The following RELA variants were observed in gnomAD, a reference collection of about 807,000 sequenced individuals.
RELA encodes the protein transcription factor p65.
RELA carries 14 observed loss-of-function variants against 56.7 expected under a neutral mutation model. The ratio of observed to expected loss-of-function variants is 0.25; its 90% CI spans 0.16 to 0.39. RELA has a LOEUF of 0.39. Ranked by LOEUF, RELA falls within the 10% of genes least tolerant of loss-of-function variation. RELA has a pLI of 1.00. For missense variants in RELA, 559 were observed against 736.4 expected (o/e 0.76, Z 2.79); for synonymous variants, 315 against 289.7 (o/e 1.09, Z -0.89).
upstream of RELA, among the ~76,000 whole-genome samples, chr11:65,663,245 G>A (rs1338772824): frequency 6.6e-6 from 1 of 152,090 alleles, no homozygotes; most frequent in Non-Finnish European, 1.5e-5. Flanking sequence ...GCCGGGTCTG[G>A]AGCAAAGCCA....
intron 4 of RELA, chr11:65,661,353 G>C: frequency 4.3e-6 from 1 of 234,264 alleles, no homozygotes; most frequent in Non-Finnish European, 8.3e-6. Context: ...GCCTGTCTCT[G>C]TCAACTGCAA....
chr11:65,659,732 C>G lies in RELA; in HGVS notation c.493G>C (p.Val165Leu). The G allele has an allele frequency of 1.2e-6, 2 of 1,614,008 alleles. No homozygotes were observed. Among genetic ancestry groups the G allele is most frequent in the Non-Finnish European group, 1.7e-6 (2 of 1,180,010 alleles). ...NAVRLCFQVT[V>L]RDPSGRPLRL... is the part of the protein sequence containing the mutation. ...AGGGGCCTGCCTGATGGGTCCCGCA[C>G]TGTCACCTGGAAGCAGAGCCGCACA... The change falls in exon 6 of 11, where the codon GTG becomes CTG. Residue 165 changes from valine (V) to leucine (L), a missense_variant. By Grantham distance (32) the Val-to-Leu change is conservative (BLOSUM62 1). Around this residue, in one of 4 missense-constraint regions of RELA, gnomAD observed 149 missense variants for 256.0 expected, o/e 0.58. Transcript: ENST00000406246.
chr11:65,663,645 G>A (rs956748542), upstream of RELA, among the ~76,000 whole-genome samples: 7 of 152,316 alleles, frequency 4.6e-5, no homozygotes, highest in African/African-American at 1.4e-4. Flanking sequence ...GTAAATCCCG[G>A]AGCCTCGTCT....
At chr11:65,661,651 C>T (rs752922407) in intron 4 of RELA, 36 bp downstream of exon 4, 5 of 1,535,702 alleles carry the variant, frequency 3.3e-6, no homozygotes, top group South Asian at 1.2e-5. Context: ...CCTCCTGTCC[C>T]CTCATGCTGG....
At position 65,653,851 on chromosome 11, in the gene RELA, A is replaced by G. The variant is rs991007795; in HGVS notation, c.*527T>C. The G allele has an allele frequency of 2.2e-5, 4 of 181,060 alleles. No individual in the cohort carries two copies. Among genetic ancestry groups the G allele is most frequent in the Non-Finnish European group, 3.5e-5 (3 of 85,216 alleles). The allele number at this position is 181,060 out of a possible 1,614,324, so 11.2% of individuals were successfully genotyped here. Reference sequence around the variant, plus strand: ...TTCCTTCAGCCATGGTTGAGCAAGGAAAGAGCCGGCAGAGACCTCTGTAGG... The same window carrying G: ...TTCCTTCAGCCATGGTTGAGCAAGGGAAGAGCCGGCAGAGACCTCTGTAGG... On this transcript the variant is annotated 3_prime_UTR_variant, in exon 11 of 11. Transcript: ENST00000406246.
chr11:65,654,929 G>A lies in RELA; in HGVS notation c.1105C>T (p.Pro369Ser). Residue 369 changes from proline to serine, a missense_variant, in exon 11 of 11, where the codon CCT becomes TCT. Around this residue, in one of 4 missense-constraint regions of RELA, gnomAD observed 365 missense variants for 387.5 expected, o/e 0.94. Coordinates refer to ENST00000406246, the MANE Select transcript of RELA (RefSeq NM_021975.4). The stretch of plus-strand genomic sequence containing the variant: ...GAGGCCTGGCTGATCTGCCCAGAAG[G>A]AAACACCATGGTGGGAAACTCATCA... ...NYDEFPTMVF[P>S]SGQISQASAL... is the part of the protein sequence containing the mutation. The A allele has an allele frequency of 6.2e-7, 1 of 1,602,404 alleles. No homozygotes were observed. Among genetic ancestry groups the A allele is most frequent in the Non-Finnish European group, 8.5e-7 (1 of 1,175,074 alleles).
intron 4 of RELA, chr11:65,660,769 T>C: frequency 6.5e-6 from 1 of 154,752 alleles, no homozygotes; most frequent in Non-Finnish European, 1.4e-5. Flanking sequence ...CCGGGTGCGG[T>C]GGCTCAAGCC....
In RELA at chr11:65,658,965, C is replaced by T. The variant is rs1856496450; in HGVS notation, c.560-143G>A. 1 of 681,082 alleles carries T rather than the reference C, an allele frequency of 1.5e-6. No individual in the cohort carries two copies. Among genetic ancestry groups the T allele is most frequent in the Non-Finnish European group, 2.7e-6 (1 of 375,904 alleles). 42.2% of individuals were successfully genotyped at this position (681,082 alleles called of 1,614,324 possible). On this transcript the variant is annotated intron_variant, in intron 6 of 10. Transcript: ENST00000406246. This position sits in a 1 kb window ranked among gnomAD's most constrained non-coding sequence, Gnocchi z 4.5. ...TACACCTTTGTAGCCAAAGTCAGAC[C>T]TTCTTATTAGCTCCTCACCCCAACC...
At position 65,654,896 on chromosome 11, in the gene RELA, C is replaced by T. The variant is rs2135550052; in HGVS notation, c.1138G>A (p.Ala380Thr). The change falls in exon 11 of 11, where the codon GCC (alanine) becomes ACC (threonine). Residue 380 changes from alanine to threonine, a missense_variant. Coordinates refer to ENST00000406246, the MANE Select transcript of RELA (RefSeq NM_021975.4). ...GGCAGGACTTGGGGAGGGGCCGGGGCCAAGGCCGAGGCCTGGCTGATCTGC... is the reference window on the plus strand; with the variant it reads ...GGCAGGACTTGGGGAGGGGCCGGGGTCAAGGCCGAGGCCTGGCTGATCTGC... ...SGQISQASAL[A>T]PAPPQVLPQA... 6 of 1,587,546 alleles carry T rather than the reference C, an allele frequency of 3.8e-6. No homozygotes were observed. The South Asian group carries it at 4.6e-5, about 12-fold the overall frequency.
chr11:65,662,763 G>T (rs55794449), intron 1 of RELA, 63 bp downstream of exon 1: 1 of 1,171,786 alleles, frequency 8.5e-7, no homozygotes, highest in Non-Finnish European at 1.1e-6. Context: ...CGGCGCGGGG[G>T]CTCCCGCCAC....
rs1311575376 is a variant in RELA at position 65,659,893 on chromosome 11, G to A, written c.428-96C>T. On this transcript the variant is annotated intron_variant, in intron 5 of 10. Transcript: ENST00000406246. ...GCTCTGCGCTGGGAGGGCCGCTGGT[G>A]CGTGTGTGAAACACAAGTCCTAGAG... 3.4e-6 allele frequency: 5 copies of A among 1,460,242 alleles called. 1 individual carries two copies. In the Admixed American group the frequency reaches 8.6e-5, roughly 25 times the overall value. The allele number at this position is 1,460,242 out of a possible 1,614,324, so 90.5% of individuals were successfully genotyped here.
At chr11:65,663,048 C>A (rs1317705829), upstream of RELA, 9 of 274,608 alleles carry the variant, frequency 3.3e-5, no homozygotes, top group East Asian at 4.9e-4. Context: ...CACGCACAGC[C>A]GCTGCCGGGG....
In RELA at chr11:65,658,874, G is replaced by A. The variant is rs1361523772; in HGVS notation, c.560-52C>T. On this transcript the variant is annotated intron_variant, in intron 6 of 10. Coordinates refer to ENST00000406246, the MANE Select transcript of RELA (RefSeq NM_021975.4). The surrounding 1 kb of genome is among the most constrained non-coding windows in gnomAD (Gnocchi z 4.5). ...GACCTGAGCCACGAGAGGTCCCCAG[G>A]GTGGCCTGCAGGAGATGCAACTTCC... 2.0e-6 allele frequency: 3 copies of A among 1,501,674 alleles called. No homozygotes were observed. Among genetic ancestry groups the A allele is most frequent in the African/African-American group, 1.4e-5 (1 of 72,470 alleles). The allele number at this position is 1,501,674 out of a possible 1,614,324, so 93.0% of individuals were successfully genotyped here.
At position 65,655,762 on chromosome 11, in the gene RELA, C is replaced by T; in HGVS notation, c.959G>A (p.Gly320Glu). ...AGGTGGAGGCCGGGGGTCGGTGGGT[C>T]CTGTAGGGCAAGGGCTAGGTCAGTT... Reference protein sequence around the residue: ...KSIMKKSPFSGPTDPRPPPRR... With the variant: ...KSIMKKSPFSEPTDPRPPPRR... Residue 320 changes from glycine (G) to glutamate (E), a missense_variant and splice_region_variant, in exon 10 of 11, where the codon GGA (glycine) becomes GAA (glutamate). Physicochemically the swap from Gly to Glu is moderately conservative, Grantham distance 98 (BLOSUM62 -2). Coordinates refer to ENST00000406246, the MANE Select transcript of RELA (RefSeq NM_021975.4). 1 of 1,613,968 alleles carries T rather than the reference C, an allele frequency of 6.2e-7. No individual in the cohort carries two copies. Among genetic ancestry groups the T allele is most frequent in the East Asian group, 2.2e-5 (1 of 44,878 alleles).
rs1333073289 is a variant in RELA at position 65,653,937 on chromosome 11, AG to A, written c.*440del. On this transcript the variant is annotated 3_prime_UTR_variant, in exon 11 of 11. Coordinates refer to ENST00000406246, the MANE Select transcript of RELA (RefSeq NM_021975.4). ...CACAGGGACAATGCCAGTGCCATAC[AG>A]GGGCTGGTATCTGGGGCGTTATTTT... 3 of 274,334 alleles carry A rather than the reference AG, an allele frequency of 1.1e-5. No individual in the cohort carries two copies. The highest frequency in any genetic ancestry group is 4.7e-5 in the African/African-American group (2 of 42,778). The allele number at this position is 274,334 out of a possible 1,614,324, so 17.0% of individuals were successfully genotyped here.
At position 65,653,886 on chromosome 11, in the gene RELA, CCA is replaced by C; in HGVS notation, c.*490_*491del. The stretch of plus-strand genomic sequence containing the variant: ...CAGAGACCTCTGTAGGGCAGGAAGG[CCA>C]GCCCCTCAAACGCTGGTGTTAGGCA... On this transcript the variant is annotated 3_prime_UTR_variant, in exon 11 of 11. Coordinates refer to ENST00000406246, the MANE Select transcript of RELA (RefSeq NM_021975.4). 1 of 211,662 alleles carries C rather than the reference CCA, an allele frequency of 4.7e-6. No individual in the cohort carries two copies. Among genetic ancestry groups the C allele is most frequent in the South Asian group, 5.5e-5 (1 of 18,114 alleles). 13.1% of individuals were successfully genotyped at this position (211,662 alleles called of 1,614,324 possible).
chr11:65,656,022 A>G (rs1243483734), intron 8 of RELA, 87 bp from the exon 9 acceptor site: 3 of 1,134,048 alleles, frequency 2.6e-6, no homozygotes, highest in Admixed American at 3.5e-5. Context: ...GAAGGGGAGG[A>G]GCCAGGCTTT....
intron 4 of RELA, among the ~76,000 whole-genome samples, chr11:65,661,163 G>A (rs571059711): frequency 1.3e-5 from 2 of 152,108 alleles, no homozygotes; most frequent in African/African-American, 4.8e-5. Context: ...GCCTCCCTGG[G>A]ACTATAGGCG....
chr11:65,654,807 A>G lies in RELA; in HGVS notation c.1227T>C (p.Pro409=), dbSNP rs763879276. 7.2e-6 allele frequency: 11 copies of G among 1,529,506 alleles called. No homozygotes were observed. The highest frequency in any genetic ancestry group is 4.1e-5 in the Admixed American group (2 of 48,476). 94.7% of individuals were successfully genotyped at this position (1,529,506 alleles called of 1,614,324 possible). ...MVSALAQAPA[P]VPVLAPGPPQ... ...GAGGGCCTGGGGCTAGGACTGGGAC[A>G]GGGGCTGGGGCCTGGGCCAGAGCTG... The change falls in exon 11 of 11, where the codon CCT becomes CCC. Residue 409 remains proline, a synonymous_variant. Transcript: ENST00000406246.
Sources: allele counts gnomAD v4.1 joint callset (sites outside exome capture counted in the v4.1 genomes callset), GRCh38; gene constraint gnomAD v4.1.1; regional missense constraint gnomAD v4.1.1; non-coding constraint Gnocchi (gnomAD v3.1); transcripts MANE v1.5; gene names NCBI Gene and HGNC (gene_info 2026-07-23, HGNC 2026-07-21).